The following RORA variants were observed in gnomAD, a reference collection of about 807,000 sequenced individuals.
The protein encoded by RORA is nuclear receptor ROR-alpha.
A neutral mutation model predicts 69.5 loss-of-function variants in RORA; 7 were observed. That is an observed-to-expected ratio of 0.10 (90% CI 0.06 to 0.19). The LOEUF (loss-of-function observed/expected upper bound fraction) is 0.19, where lower values mean the gene tolerates loss of function less well. RORA is among the 10% of genes least tolerant of loss of function. RORA has a pLI of 1.00. For synonymous variants in RORA, 261 were observed against 240.8 expected, an observed-to-expected ratio of 1.08 and a Z score of -0.78; for missense variants, 457 against 663.0, an observed-to-expected ratio of 0.69 and a Z score of 3.41.
chr15:60,991,169 C>T (rs773448671), intron 1 of RORA, among the ~76,000 whole-genome samples: 2 of 152,314 alleles, frequency 1.3e-5, no homozygotes, highest in East Asian at 3.9e-4. Context: ...CTCTTCTTCT[C>T]AGAACCAGGT....
At chr15:60,902,358 G>A (rs1163506085) in intron 1 of RORA, among the ~76,000 whole-genome samples, 2 of 152,066 alleles carry the variant, frequency 1.3e-5, no homozygotes, top group African/African-American at 4.8e-5. Flanking sequence ...TTTGTGGGCT[G>A]TGGATCAGCT....
chr15:61,206,353 T>C (rs2140932179), intron 1 of RORA, among the ~76,000 whole-genome samples: 2 of 152,282 alleles, frequency 1.3e-5, no homozygotes, highest in South Asian at 4.1e-4. Context: ...ATACTGTTTG[T>C]TGAATGGAAA....
At chr15:61,056,958 A>C (rs1446872528) in intron 1 of RORA, among the ~76,000 whole-genome samples, 1 of 152,214 alleles carries the variant, frequency 6.6e-6, no homozygotes, top group African/African-American at 2.4e-5. Context: ...TGAAAAGGCG[A>C]TGCCTTTAAT....
intron 1 of RORA, among the ~76,000 whole-genome samples, chr15:60,928,329 G>T (rs1039513650): frequency 2.6e-5 from 4 of 152,166 alleles, no homozygotes; most frequent in South Asian, 2.1e-4. Flanking sequence ...TCTTCCAAGG[G>T]ACTATCCTGT....
intron 1 of RORA, among the ~76,000 whole-genome samples, chr15:60,846,927 T>C (rs2073272829): frequency 6.6e-6 from 1 of 152,244 alleles, no homozygotes; most frequent in South Asian, 2.1e-4. Flanking sequence ...ATAACCCCTT[T>C]TAATATCACT....
chr15:60,560,233 G>T lies in RORA; in HGVS notation c.197-28382C>A, dbSNP rs561496871. ...AACGCAGTCCATTTTATATTAAAAT[G>T]TGAGTGTATTTCTAAAATTTTTTCT... On this transcript the variant is annotated intron_variant, in intron 2 of 10. Coordinates refer to ENST00000335670, the MANE Select transcript of RORA (RefSeq NM_134261.3). Among the ~76,000 whole-genome samples the T allele has an allele frequency of 1.6e-4, 24 of 152,278 alleles. No individual in the cohort carries two copies. The South Asian group carries it at 5.0e-3, about 32-fold the overall frequency.
chr15:60,603,024 A>G (rs7172348), intron 2 of RORA, among the ~76,000 whole-genome samples: 30,093 of 152,146 alleles, frequency 0.2, 3,635 homozygotes, highest in East Asian at 0.46. Context: ...GTGGAATAGT[A>G]TATTATGCAG....
intron 3 of RORA, among the ~76,000 whole-genome samples, chr15:60,523,734 T>A (rs550630582): frequency 6.6e-6 from 1 of 152,282 alleles, no homozygotes; most frequent in South Asian, 2.1e-4. Flanking sequence ...TGCAATGGAG[T>A]GACCACGGCT....
chr15:60,906,795 A>T (rs1042011685), intron 1 of RORA, among the ~76,000 whole-genome samples: 3 of 152,218 alleles, frequency 2.0e-5, no homozygotes, highest in Non-Finnish European at 2.9e-5. Context: ...TTCAGATTAT[A>T]AAAAAACTTG....
intron 1 of RORA, among the ~76,000 whole-genome samples, chr15:61,192,372 C>A (rs530968659): frequency 5.9e-5 from 9 of 152,342 alleles, no homozygotes; most frequent in Admixed American, 2.0e-4. Context: ...GCATACTCTA[C>A]CCAGAGTAGA....
intron 1 of RORA, among the ~76,000 whole-genome samples, chr15:60,946,024 T>C (rs929593767): frequency 6.6e-6 from 1 of 152,150 alleles, no homozygotes; most frequent in South Asian, 2.1e-4. Flanking sequence ...AGGTGGGTTA[T>C]ATGCAGGAGA....
intron 1 of RORA, among the ~76,000 whole-genome samples, chr15:60,914,883 A>G (rs1022481156): frequency 6.6e-6 from 1 of 152,228 alleles, no homozygotes; most frequent in African/African-American, 2.4e-5. Flanking sequence ...CCATCCAGGA[A>G]GAAGCTTTGG....
At chr15:60,688,102 G>A (rs1324842118) in intron 1 of RORA, among the ~76,000 whole-genome samples, 1 of 152,122 alleles carries the variant, frequency 6.6e-6, no homozygotes, top group African/African-American at 2.4e-5. Context: ...ATTAGCAGTA[G>A]AGGATGGCAA....
intron 1 of RORA, among the ~76,000 whole-genome samples, chr15:60,983,375 T>G (rs1418260352): frequency 1.3e-5 from 2 of 152,210 alleles, no homozygotes; most frequent in Non-Finnish European, 2.9e-5. Flanking sequence ...TACCCCAAAA[T>G]ATATTTCTTT....
intron 1 of RORA, among the ~76,000 whole-genome samples, chr15:60,845,710 A>G (rs1384596353): frequency 6.6e-6 from 1 of 152,200 alleles, no homozygotes; most frequent in Non-Finnish European, 1.5e-5. Flanking sequence ...GCATTAAAGT[A>G]CTTAGCACAA....
intron 1 of RORA, among the ~76,000 whole-genome samples, chr15:60,946,316 G>C (rs373879819): frequency 5.9e-5 from 9 of 152,076 alleles, no homozygotes; most frequent in Non-Finnish European, 2.9e-5. Context: ...CTCTGATGAC[G>C]AGCCGAAGCG....
rs1305488031 is a variant in RORA at position 60,905,503 on chromosome 15, C to T, written c.167-226817G>A. Among the ~76,000 whole-genome samples, 1 of 152,104 alleles carries T rather than the reference C, an allele frequency of 6.6e-6. No individual in the cohort carries two copies. Among genetic ancestry groups the T allele is most frequent in the Non-Finnish European group, 1.5e-5 (1 of 68,016 alleles). On this transcript the variant is annotated intron_variant, in intron 1 of 10. Transcript: ENST00000335670. This position sits in a 1 kb window ranked among gnomAD's most constrained non-coding sequence, Gnocchi z 4.8. Reference sequence around the variant, plus strand: ...TAAGGTATTCAATGGTTAATTAAGACACGAGTGTCATTGCTGAGCTCTTTT... The same window carrying T: ...TAAGGTATTCAATGGTTAATTAAGATACGAGTGTCATTGCTGAGCTCTTTT...
chr15:60,756,192 T>G (rs1354232172), intron 1 of RORA, among the ~76,000 whole-genome samples: 3 of 152,236 alleles, frequency 2.0e-5, no homozygotes, highest in Admixed American at 2.0e-4. Context: ...AATAATTACA[T>G]ATGGTTTTCA....
rs1040815299 is a variant in RORA, at chr15:60,494,486, C to G, written c.*2969G>C. On this transcript the variant is annotated 3_prime_UTR_variant, in exon 11 of 11. Coordinates refer to ENST00000335670, the MANE Select transcript of RORA (RefSeq NM_134261.3). ...CTATTAAGGATAATTGTTCTGATAT[C>G]ACCCAAGTATTTTATGTCATCACAT... 1 of 152,236 alleles carries G rather than the reference C, an allele frequency of 6.6e-6. No homozygotes were observed. The highest frequency in any genetic ancestry group is 2.4e-5 in the African/African-American group (1 of 41,464). The allele number at this position is 152,236 out of a possible 1,614,324, so 9.4% of individuals were successfully genotyped here.
Sources: allele counts gnomAD v4.1 joint callset (sites outside exome capture counted in the v4.1 genomes callset), GRCh38; gene constraint gnomAD v4.1.1; non-coding constraint Gnocchi (gnomAD v3.1); transcripts MANE v1.5; gene names NCBI Gene and HGNC (gene_info 2026-07-23, HGNC 2026-07-21).